Variants in SFXN5 observed in about 807,000 individuals in gnomAD.
The protein encoded by SFXN5 is sideroflexin 5, also known as sideroflexin-5.
A neutral mutation model predicts 50.2 loss-of-function variants in SFXN5; 43 were observed. That is an observed-to-expected ratio of 0.86 (90% CI 0.67 to 1.11). SFXN5 has a LOEUF of 1.11. SFXN5 is among the 50% of genes least tolerant of loss of function. The pLI, the probability that SFXN5 is intolerant of heterozygous loss-of-function variation, is 0.00. For synonymous variants in SFXN5, 203 were observed against 185.8 expected (o/e 1.09, Z -0.75); for missense variants, 463 against 454.1 (o/e 1.02, Z -0.18).
chr2:72,956,195 A>C (rs1673068888), intron 13 of SFXN5, among the ~76,000 whole-genome samples: 1 of 152,216 alleles, frequency 6.6e-6, no homozygotes. Flanking sequence ...CAGATCCGCC[A>C]GGGCAGACCC....
At chr2:73,018,047 A>T (rs531491866) in intron 6 of SFXN5, among the ~76,000 whole-genome samples, 8 of 152,212 alleles carry the variant, frequency 5.3e-5, no homozygotes, top group East Asian at 3.9e-4. Context: ...CTATAAAAAA[A>T]TTTTTGAGAA....
intron 12 of SFXN5, among the ~76,000 whole-genome samples, chr2:72,967,817 A>G (rs1004258964): frequency 6.6e-6 from 1 of 152,020 alleles, no homozygotes; most frequent in African/African-American, 2.4e-5. Flanking sequence ...CTTCCAGCGG[A>G]GTTTCAGTCC....
At chr2:73,058,706 T>A (rs916983109) in intron 1 of SFXN5, 110 bp from the exon 2 acceptor site, 14 of 950,792 alleles carry the variant, frequency 1.5e-5, no homozygotes, top group Admixed American at 1.3e-4. Flanking sequence ...TCCCCAGGAC[T>A]CCTCGTGTGG....
Position 72,968,532 on chromosome 2 carries a change from G to A in SFXN5, c.743C>T (p.Ala248Val), listed in dbSNP as rs267599445. The change falls in exon 12 of 14, where the codon GCC becomes GTC. Residue 248 changes from alanine to valine, a missense_variant and splice_region_variant. Coordinates refer to ENST00000272433, the MANE Select transcript of SFXN5 (RefSeq NM_144579.3). ...TCGCGTCAGCGCCGTCTCCAGCAGG[G>A]CCTGAGGGGCAGGCAGAAGCTGTGT... ...VGSSKIAARH[A>V]LLETALTRVV... 1.2e-6 allele frequency: 2 copies of A among 1,613,260 alleles called. No homozygotes were observed. Among genetic ancestry groups the A allele is most frequent in the Non-Finnish European group, 1.7e-6 (2 of 1,179,944 alleles).
chr2:73,065,712 G>A (rs1039729616), intron 1 of SFXN5, among the ~76,000 whole-genome samples: 1 of 150,196 alleles, frequency 6.7e-6, no homozygotes, highest in South Asian at 2.1e-4. Flanking sequence ...GGGGAATCTT[G>A]AAGGGCTATT....
intron 6 of SFXN5, among the ~76,000 whole-genome samples, chr2:73,004,871 C>CT (rs1458737403): frequency 2.0e-5 from 3 of 152,222 alleles, no homozygotes; most frequent in Non-Finnish European, 4.4e-5. Context: ...TTATAACTTC[C>CT]TTTTTTCTTT....
intron 6 of SFXN5, among the ~76,000 whole-genome samples, chr2:73,003,393 C>T (rs748971541): frequency 6.6e-6 from 1 of 152,224 alleles, no homozygotes; most frequent in South Asian, 2.1e-4. Flanking sequence ...CCCAATAGCA[C>T]TCACTGCATT....
chr2:72,951,121 G>A (rs1003215849), intron 13 of SFXN5, among the ~76,000 whole-genome samples: 4 of 151,986 alleles, frequency 2.6e-5, no homozygotes, highest in Non-Finnish European at 4.4e-5. Flanking sequence ...CCTGATGGTC[G>A]CCCCCGCCAC....
In SFXN5 at chr2:72,999,015, C is replaced by T. The variant is rs1673593365; in HGVS notation, c.469-1G>A. On this transcript the variant is annotated splice_acceptor_variant, in intron 8 of 13. Transcript: ENST00000272433. LOFTEE classifies it high-confidence loss of function. The stretch of plus-strand genomic sequence containing the variant: ...GGATGAACTTGGATGCAGGTGAAGG[C>T]TGGAAAACAGAGGCAGAATTTCAGG... 1.2e-6 allele frequency: 2 copies of T among 1,614,134 alleles called. No homozygotes were observed. The highest frequency in any genetic ancestry group is 4.5e-5 in the East Asian group (2 of 44,878).
chr2:73,000,632 A>C (rs994896751), intron 7 of SFXN5, 145 bp from the exon 8 acceptor site: 6 of 754,246 alleles, frequency 8.0e-6, no homozygotes, highest in Non-Finnish European at 1.3e-5. Flanking sequence ...GCCGGTCAGC[A>C]TGACTGACCG....
At chr2:73,024,545 T>G (rs1243178906) in intron 3 of SFXN5, among the ~76,000 whole-genome samples, 1 of 152,156 alleles carries the variant, frequency 6.6e-6, no homozygotes, top group Non-Finnish European at 1.5e-5. Flanking sequence ...ACCCAGCTAT[T>G]CAGTGGGCTG....
rs766225455 is a variant in SFXN5, at chr2:72,971,582, G to A, written c.729C>T (p.Ile243=). 1.1e-5 allele frequency: 17 copies of A among 1,613,604 alleles called. No homozygotes were observed. Among genetic ancestry groups the A allele is most frequent in the Admixed American group, 1.7e-5 (1 of 59,980 alleles). Residue 243 remains isoleucine, a synonymous_variant, in exon 11 of 14, where the codon ATC becomes ATT. Coordinates refer to ENST00000272433, the MANE Select transcript of SFXN5 (RefSeq NM_144579.3). ...CCCCCAGACCCACGTGTCGGGCTGC[G>A]ATCTTGGAGGAGCCCACGAGGTTGC... The part of the protein sequence containing the change: ...SDGNLVGSSK[I]AARHALLETA...
rs1673543543 is a variant in SFXN5 at position 72,960,071 on chromosome 2, CTGCT to C, written c.945+1056_945+1059del. On this transcript the variant is annotated intron_variant, in intron 13 of 13. Transcript: ENST00000272433. The surrounding 1 kb of genome is among the most constrained non-coding windows in gnomAD (Gnocchi z 6.1). ...CCCGGATCTGCCCTCACCACCCTGG[CTGCT>C]TGTCTTTGGACCCCGCCAGGGTGGA... is the stretch of plus-strand genomic sequence containing the variant. 6.6e-6 allele frequency among the ~76,000 whole-genome samples: 1 copy of C among 152,032 alleles called. No homozygotes were observed. Among genetic ancestry groups the C allele is most frequent in the African/African-American group, 2.4e-5 (1 of 41,400 alleles).
At chr2:73,054,150 C>A (rs910706309) in intron 2 of SFXN5, among the ~76,000 whole-genome samples, 1 of 152,174 alleles carries the variant, frequency 6.6e-6, no homozygotes, top group African/African-American at 2.4e-5. Context: ...CCTAGAAGAT[C>A]TTCTGTTGGC....
chr2:73,062,080 G>A (rs1041754728), intron 1 of SFXN5, among the ~76,000 whole-genome samples: 5 of 152,210 alleles, frequency 3.3e-5, no homozygotes, highest in African/African-American at 1.2e-4. Context: ...TCATGCCACT[G>A]CACTCCAGCC....
At chr2:72,967,430 G>C (rs1674543774) in intron 12 of SFXN5, 1 of 152,224 alleles carries the variant, frequency 6.6e-6, no homozygotes, top group Non-Finnish European at 1.5e-5. Flanking sequence ...ATGAGAAATG[G>C]TGAATTCTGA....
intron 1 of SFXN5, among the ~76,000 whole-genome samples, chr2:73,068,064 C>T (rs1010421789): frequency 2.0e-5 from 3 of 152,230 alleles, no homozygotes; most frequent in African/African-American, 7.2e-5. Flanking sequence ...TTTCTTCACA[C>T]TCTGACCCTC....
chr2:73,069,268 G>A lies in SFXN5; in HGVS notation c.102+2336C>T, dbSNP rs185793547. Among the ~76,000 whole-genome samples, 462 of 152,318 alleles carry A rather than the reference G, an allele frequency of 3.0e-3. 4 individuals are homozygous for A. The highest frequency in any genetic ancestry group is 0.011 in the African/African-American group (439 of 41,580). On this transcript the variant is annotated intron_variant, in intron 1 of 13. Transcript: ENST00000272433. ...GAGTGGAAGCAGGGAGACCTGTTGT[G>A]AGGCTACTGCAGTGACCCAGGAAAT...
intron 9 of SFXN5, among the ~76,000 whole-genome samples, chr2:72,990,042 G>A (rs1672392485): frequency 6.6e-6 from 1 of 152,264 alleles, no homozygotes; most frequent in African/African-American, 2.4e-5. Flanking sequence ...AGGGCTGCCA[G>A]GCGCCTGCCG....
Sources: gnomAD v4.1 joint callset for allele counts (sites outside exome capture counted in the v4.1 genomes callset) on GRCh38, gnomAD v4.1.1 for gene constraint, Gnocchi (gnomAD v3.1) non-coding constraint, MANE v1.5 for transcripts, NCBI Gene and HGNC (gene_info 2026-07-23, HGNC 2026-07-21) for gene names.